CWC27: variants seen among roughly 807,000 people sequenced by gnomAD.
The protein encoded by CWC27 is CWC27 spliceosome associated cyclophilin.
In CWC27, 47 loss-of-function variants were observed where a neutral mutation model predicts 63.6. That is an observed-to-expected ratio of 0.74 (90% CI 0.58 to 0.94). CWC27 has a LOEUF of 0.94. Ranked by LOEUF, CWC27 falls within the 40% of genes least tolerant of loss-of-function variation. The pLI is 0.00. For synonymous variants in CWC27, 175 were observed against 179.8 expected, an observed-to-expected ratio of 0.97 and a Z score of 0.22; for missense variants, 495 against 554.3, an observed-to-expected ratio of 0.89 and a Z score of 1.07.
chr5:64,907,426 A>G (rs932496853), intron 11 of CWC27, among the ~76,000 whole-genome samples: 3 of 152,090 alleles, frequency 2.0e-5, no homozygotes, highest in Admixed American at 6.5e-5. Flanking sequence ...TCTCTTTGTA[A>G]CAATTGTGAA....
intron 13 of CWC27, among the ~76,000 whole-genome samples, chr5:64,983,982 C>T (rs1254473178): frequency 6.6e-6 from 1 of 152,046 alleles, no homozygotes; most frequent in Non-Finnish European, 1.5e-5. Flanking sequence ...CAGGTGCGCA[C>T]CACCACGCCC....
At chr5:64,950,611 A>G (rs1317195042) in intron 11 of CWC27, among the ~76,000 whole-genome samples, 1 of 152,052 alleles carries the variant, frequency 6.6e-6, no homozygotes, top group Non-Finnish European at 1.5e-5. Context: ...AAGGTGTGGT[A>G]TCTTTTAAAA....
At position 64,774,738 on chromosome 5, in the gene CWC27, C is replaced by T; in HGVS notation, c.90C>T (p.Ser30=). ...TAGDIDIELW[S]KEAPKACRNF... ...GAGATATTGACATAGAGTTGTGGTC[C>T]AAAGAAGCTCCTAAAGCTTGCAGAA... The change falls in exon 2 of 14, where the codon TCC becomes TCT. Residue 30 remains serine, a synonymous_variant. Transcript: ENST00000381070. 2 of 1,607,860 alleles carry T rather than the reference C, an allele frequency of 1.2e-6. No homozygotes were observed. Among genetic ancestry groups the T allele is most frequent in the South Asian group, 1.1e-5 (1 of 90,114 alleles).
rs1298980398 is a variant in CWC27 at position 64,980,033 on chromosome 5, C to T, written c.1256+2795C>T. On this transcript the variant is annotated intron_variant, in intron 13 of 13. Transcript: ENST00000381070. ...AAATATGATTCAATTGTAAACAGTG[C>T]GTATGGTGTTTGAAAATTATTCCCA... 3.3e-5 allele frequency among the ~76,000 whole-genome samples: 5 copies of T among 150,194 alleles called. 1 individual carries two copies. Among genetic ancestry groups the T allele is most frequent in the South Asian group, 4.2e-4 (2 of 4,712 alleles).
At chr5:64,829,108 A>T (rs1037507884) in intron 10 of CWC27, among the ~76,000 whole-genome samples, 15 of 152,206 alleles carry the variant, frequency 9.9e-5, no homozygotes, top group Non-Finnish European at 7.3e-5. Flanking sequence ...TTATAACAGG[A>T]TAGTTAGATT....
chr5:64,966,476 A>C (rs1180974845), intron 11 of CWC27, among the ~76,000 whole-genome samples: 1 of 152,172 alleles, frequency 6.6e-6, no homozygotes, highest in Non-Finnish European at 1.5e-5. Context: ...ACAGTATTTT[A>C]TTTAATCCTC....
intron 1 of CWC27, among the ~76,000 whole-genome samples, chr5:64,771,304 A>G (rs898238488): frequency 2.0e-5 from 3 of 152,250 alleles, no homozygotes; most frequent in Non-Finnish European, 2.9e-5. Context: ...CTAATGGTAC[A>G]TTAGGTGCTG....
chr5:64,880,903 G>A (rs978521901), intron 10 of CWC27, among the ~76,000 whole-genome samples: 1 of 147,406 alleles, frequency 6.8e-6, no homozygotes, highest in Non-Finnish European at 1.5e-5. Context: ...AGGCTTTGAG[G>A]AGGCCAAGAC....
intron 11 of CWC27, among the ~76,000 whole-genome samples, chr5:64,953,022 A>G (rs993116389): frequency 1.3e-5 from 2 of 152,134 alleles, no homozygotes; most frequent in African/African-American, 4.8e-5. Context: ...CCAAGTTGCC[A>G]TGTGAGGCAT....
intron 10 of CWC27, among the ~76,000 whole-genome samples, chr5:64,878,145 T>G (rs1746841798): frequency 6.6e-6 from 1 of 151,900 alleles, no homozygotes; most frequent in Non-Finnish European, 1.5e-5. Flanking sequence ...ATTAATTGCC[T>G]TTTCATGGCC....
rs1039444809 is a variant in CWC27 at position 64,807,893 on chromosome 5, C to A, written c.938+3507C>A. On this transcript the variant is annotated intron_variant, in intron 10 of 13. Transcript: ENST00000381070. ...AACCATTCCATTTTATTTCCTGTCCCTACCTCCTTCCTATTTATTTCTAAA... is the reference window on the plus strand; with the variant it reads ...AACCATTCCATTTTATTTCCTGTCCATACCTCCTTCCTATTTATTTCTAAA... The A allele has an allele frequency of 4.1e-6, 6 of 1,452,230 alleles. No individual in the cohort carries two copies. The African/African-American group carries it at 5.7e-5, about 14-fold the overall frequency. 90.0% of individuals were successfully genotyped at this position (1,452,230 alleles called of 1,614,324 possible).
intron 11 of CWC27, among the ~76,000 whole-genome samples, chr5:64,907,593 A>G (rs879061647): frequency 6.6e-6 from 1 of 152,228 alleles, no homozygotes; most frequent in African/African-American, 2.4e-5. Flanking sequence ...CAAATACACA[A>G]TCATGTCATC....
chr5:64,790,572 C>G (rs1360603688), intron 7 of CWC27, among the ~76,000 whole-genome samples: 1 of 152,070 alleles, frequency 6.6e-6, no homozygotes, highest in Admixed American at 6.6e-5. Flanking sequence ...ACAGTTCCCC[C>G]ACCCCTGTTT....
chr5:64,939,363 A>T (rs902389110), intron 11 of CWC27, among the ~76,000 whole-genome samples: 11 of 152,254 alleles, frequency 7.2e-5, no homozygotes, highest in Admixed American at 7.2e-4. Flanking sequence ...TCCTTCTGAC[A>T]GTTAGGCCCC....
At chr5:64,922,599 G>T (rs1466634008) in intron 11 of CWC27, among the ~76,000 whole-genome samples, 1 of 152,108 alleles carries the variant, frequency 6.6e-6, no homozygotes, top group Non-Finnish European at 1.5e-5. Context: ...TTGCCATTCA[G>T]ATTCTTAATT....
Position 64,774,961 on chromosome 5 carries a change from A to G in CWC27, c.139+174A>G, listed in dbSNP as rs1047493576. The stretch of plus-strand genomic sequence containing the variant: ...GAAGTAGAGATAAGAGATAAATGTT[A>G]TCCCAAATAAATTTGAATACTTTCA... On this transcript the variant is annotated intron_variant, in intron 2 of 13. Transcript: ENST00000381070. Among the ~76,000 whole-genome samples the G allele has an allele frequency of 7.2e-5, 11 of 152,362 alleles. No homozygotes were observed. In the East Asian group the frequency reaches 2.1e-3, roughly 29 times the overall value.
At chr5:64,780,350 T>C (rs1228528109) in intron 2 of CWC27, among the ~76,000 whole-genome samples, 1 of 128,656 alleles carries the variant, frequency 7.8e-6, no homozygotes, top group Non-Finnish European at 1.7e-5. Context: ...TTGTGAATAG[T>C]GCTGCTATGA....
chr5:64,799,946 T>C (rs1224298276), intron 7 of CWC27, among the ~76,000 whole-genome samples: 2 of 152,114 alleles, frequency 1.3e-5, no homozygotes, highest in Non-Finnish European at 2.9e-5. Flanking sequence ...TCATAAAAAT[T>C]AACTAGTTTC....
chr5:64,961,888 A>G (rs1478683506), intron 11 of CWC27, among the ~76,000 whole-genome samples: 2 of 152,190 alleles, frequency 1.3e-5, no homozygotes, highest in Non-Finnish European at 2.9e-5. Flanking sequence ...TTCTTAGTAG[A>G]TATTCTTTTT....
Sources: gnomAD v4.1 joint callset for allele counts (sites outside exome capture counted in the v4.1 genomes callset) on GRCh38, gnomAD v4.1.1 for gene constraint, MANE v1.5 for transcripts, NCBI Gene and HGNC (gene_info 2026-07-23, HGNC 2026-07-21) for gene names.